Variants in JADE1 observed in about 807,000 individuals in gnomAD.
JADE1 encodes jade family PHD finger 1, also known as protein Jade-1.
Under a neutral mutation model 81.8 loss-of-function variants are expected in JADE1, and 14 were observed. The observed-to-expected ratio is 0.17, with a 90% CI of 0.11 to 0.27. JADE1 has a LOEUF of 0.27. JADE1 is among the 10% of genes least tolerant of loss of function. The probability of loss-of-function intolerance (pLI) is 1.00; values close to 1 mark genes in which losing one functional copy is unlikely to be tolerated. For synonymous variants in JADE1, 353 were observed against 391.9 expected (o/e 0.90, Z 1.17); for missense variants, 690 against 1,047.9 (o/e 0.66, Z 4.71).
At chr4:128,830,950 A>G (rs1728502290) in intron 1 of JADE1, among the ~76,000 whole-genome samples, 1 of 152,144 alleles carries the variant, frequency 6.6e-6, no homozygotes, top group South Asian at 2.1e-4. Flanking sequence ...TCTTTGTACA[A>G]ACTGACTTCT....
At chr4:128,866,163 A>C (rs1731765306) in intron 9 of JADE1, among the ~76,000 whole-genome samples, 1 of 152,176 alleles carries the variant, frequency 6.6e-6, no homozygotes, top group Non-Finnish European at 1.5e-5. Context: ...TGCTTCTTGG[A>C]TTGAGGGTGT....
intron 9 of JADE1, 58 bp from the exon 10 acceptor site, chr4:128,867,798 C>A: frequency 1.8e-6 from 2 of 1,108,162 alleles, no homozygotes; most frequent in Non-Finnish European, 2.7e-6. Flanking sequence ...ATTTAAAAAG[C>A]ACCAAAGTAC....
rs141704909 is a variant in JADE1, at chr4:128,843,016, A to G, written c.116A>G (p.His39Arg). The G allele has an allele frequency of 3.0e-5, 48 of 1,614,050 alleles. No individual in the cohort carries two copies. The highest frequency in any genetic ancestry group is 4.0e-5 in the Non-Finnish European group (47 of 1,179,914). Reference protein sequence around the residue: ...SQHRRSSCSRHEDRKPSEVFR... With the variant: ...SQHRRSSCSRREDRKPSEVFR... ...CATAGGAGAAGCTCCTGCTCCAGAC[A>G]TGAAGATCGAAAGCCTTCAGAGGTA... The change falls in exon 3 of 11, where the codon CAT (histidine) becomes CGT (arginine). Residue 39 changes from histidine to arginine, a missense_variant. By Grantham distance (29) the His-to-Arg change is conservative. Transcript: ENST00000226319.
At chr4:128,850,709 A>G (rs1294728055) in intron 5 of JADE1, among the ~76,000 whole-genome samples, 1 of 152,212 alleles carries the variant, frequency 6.6e-6, no homozygotes, top group Non-Finnish European at 1.5e-5. Flanking sequence ...TAAGCACATT[A>G]TAAAGACCAG....
intron 2 of JADE1, among the ~76,000 whole-genome samples, chr4:128,839,629 A>G (rs1049395682): frequency 2.6e-5 from 4 of 152,116 alleles, no homozygotes; most frequent in African/African-American, 9.7e-5. Flanking sequence ...CTAGAGTTGT[A>G]TGTAAATGGA....
intron 5 of JADE1, among the ~76,000 whole-genome samples, chr4:128,851,838 A>G (rs1468692845): frequency 6.6e-6 from 1 of 151,994 alleles, no homozygotes; most frequent in Non-Finnish European, 1.5e-5. Context: ...TAATTTTCAT[A>G]TTTTTTGTAG....
At chr4:128,824,999 G>A (rs944963075) in intron 1 of JADE1, among the ~76,000 whole-genome samples, 20 of 152,224 alleles carry the variant, frequency 1.3e-4, no homozygotes, top group African/African-American at 4.8e-4. Context: ...CCCAGGAATA[G>A]CATTGAATAA....
intron 1 of JADE1, among the ~76,000 whole-genome samples, chr4:128,811,587 G>C (rs1221426358): frequency 6.8e-6 from 1 of 146,240 alleles, no homozygotes; most frequent in African/African-American, 2.5e-5. Flanking sequence ...CTGCTTCTCC[G>C]CTGCGGCCGG....
intron 2 of JADE1, among the ~76,000 whole-genome samples, chr4:128,841,465 G>T (rs1476577066): frequency 6.6e-6 from 1 of 152,194 alleles, no homozygotes; most frequent in Non-Finnish European, 1.5e-5. Flanking sequence ...CATTGATTGT[G>T]TCCTGAATGA....
intron 8 of JADE1, among the ~76,000 whole-genome samples, chr4:128,859,554 T>C (rs1731139298): frequency 1.8e-5 from 2 of 109,786 alleles, no homozygotes; most frequent in Admixed American, 9.2e-5. Context: ...CGTGTATATG[T>C]GTATGTGTGT....
At chr4:128,819,206 T>C (rs953984647) in intron 1 of JADE1, among the ~76,000 whole-genome samples, 1 of 151,736 alleles carries the variant, frequency 6.6e-6, no homozygotes, top group Non-Finnish European at 1.5e-5. Flanking sequence ...TGTTTGGAGG[T>C]AGTTGGCTAC....
chr4:128,810,065 C>T lies in JADE1; in HGVS notation c.-27+188C>T, dbSNP rs1424807618. 3.3e-5 allele frequency: 5 copies of T among 153,108 alleles called. No individual in the cohort carries two copies. In the East Asian group the frequency reaches 9.7e-4, roughly 30 times the overall value. 9.5% of individuals were successfully genotyped at this position (153,108 alleles called of 1,614,324 possible). ...GGTTTTGTTGCTTTGCTCGGGAGTTCTCGGGAGTAATTTAATGCCGAAGGT... is the reference window on the plus strand; with the variant it reads ...GGTTTTGTTGCTTTGCTCGGGAGTTTTCGGGAGTAATTTAATGCCGAAGGT... On this transcript the variant is annotated intron_variant, in intron 1 of 10. Coordinates refer to ENST00000226319, the MANE Select transcript of JADE1 (RefSeq NM_199320.4).
chr4:128,816,875 T>C (rs1727083505), intron 1 of JADE1, among the ~76,000 whole-genome samples: 1 of 151,960 alleles, frequency 6.6e-6, no homozygotes, highest in Non-Finnish European at 1.5e-5. Context: ...AAACTACATT[T>C]TCTCTCTCTT....
At chr4:128,847,491 C>T (rs1729964446) in intron 4 of JADE1, among the ~76,000 whole-genome samples, 1 of 152,148 alleles carries the variant, frequency 6.6e-6, no homozygotes, top group African/African-American at 2.4e-5. Context: ...AGGATGGCCC[C>T]CACAGGCTAG....
intron 2 of JADE1, among the ~76,000 whole-genome samples, chr4:128,837,296 A>T (rs1729062598): frequency 6.6e-6 from 1 of 152,218 alleles, no homozygotes; most frequent in Admixed American, 6.5e-5. Context: ...TAATTTTCCC[A>T]CTGACTTGTA....
At chr4:128,815,632 G>A (rs1202603819) in intron 1 of JADE1, among the ~76,000 whole-genome samples, 5 of 152,168 alleles carry the variant, frequency 3.3e-5, no homozygotes, top group Admixed American at 6.6e-5. Flanking sequence ...TAAACATCAA[G>A]ATATCAAATA....
At chr4:128,864,296 C>A (rs1003434534) in intron 9 of JADE1, 1 of 469,312 alleles carries the variant, frequency 2.1e-6, no homozygotes, top group Non-Finnish European at 2.8e-6. Flanking sequence ...TACAGGCGTG[C>A]GCCACCATGC....
At chr4:128,820,074 T>G (rs1020909385) in intron 1 of JADE1, among the ~76,000 whole-genome samples, 4 of 152,118 alleles carry the variant, frequency 2.6e-5, no homozygotes, top group African/African-American at 4.8e-5. Context: ...CCTCTCTAGC[T>G]CTGCAGTTAA....
At chr4:128,826,375 T>TG (rs1433092151) in intron 1 of JADE1, among the ~76,000 whole-genome samples, 1 of 17,978 alleles carries the variant, frequency 5.6e-5, no homozygotes, top group Non-Finnish European at 8.8e-5. Flanking sequence ...TCTTTTTTTT[T>TG]GAAACAGAGT....
Sources: gnomAD v4.1 joint callset for allele counts (sites outside exome capture counted in the v4.1 genomes callset) on GRCh38, gnomAD v4.1.1 for gene constraint, MANE v1.5 for transcripts, NCBI Gene and HGNC (gene_info 2026-07-23, HGNC 2026-07-21) for gene names.